ZNF160: variants seen among roughly 807,000 people sequenced by gnomAD.
ZNF160 encodes the protein zinc finger protein 160.
In ZNF160, 9 loss-of-function variants were observed where a neutral mutation model predicts 13.1. The ratio of observed to expected loss-of-function variants is 0.69; its 90% confidence interval spans 0.41 to 1.20. ZNF160 has a LOEUF of 1.20. Among genes scored for constraint, ZNF160 ranks in the 50% most tolerant of loss-of-function variants. The probability of loss-of-function intolerance (pLI) is 0.01; values close to 1 mark genes in which losing one functional copy is unlikely to be tolerated. For missense variants in ZNF160, 838 were observed against 988.0 expected (o/e 0.85, Z 2.04); for synonymous variants, 293 against 333.2 (o/e 0.88, Z 1.31).
In ZNF160 at chr19:53,067,811, G is replaced by A. The variant is rs905338131; in HGVS notation, c.*266C>T. The A allele has an allele frequency of 1.4e-5, 5 of 361,874 alleles. No homozygotes were observed. Among genetic ancestry groups the A allele is most frequent in the Non-Finnish European group, 2.5e-5 (5 of 201,688 alleles). The allele number at this position is 361,874 out of a possible 1,614,324, so 22.4% of individuals were successfully genotyped here. A position where few individuals can be genotyped will look rare whatever the true frequency, so the allele number is the denominator to read the frequency against. ...CTCCTAGGAATCCTCACTTACCATC[G>A]GTCACTGGGTAATGGCCTCAGGATG... On this transcript the variant is annotated 3_prime_UTR_variant, in exon 6 of 6. Coordinates refer to ENST00000683776, the MANE Select transcript of ZNF160 (RefSeq NM_001322131.2).
intron 2 of ZNF160, among the ~76,000 whole-genome samples, chr19:53,087,615 A>T (rs2084889262): frequency 6.6e-6 from 1 of 152,114 alleles, no homozygotes; most frequent in South Asian, 2.1e-4. Context: ...CAGTAGCGTG[A>T]TCTCGGCTCA....
intron 2 of ZNF160, among the ~76,000 whole-genome samples, chr19:53,086,807 A>G (rs2145825917): frequency 6.6e-6 from 1 of 152,322 alleles, no homozygotes; most frequent in South Asian, 2.1e-4. Flanking sequence ...AGGGGGCACA[A>G]GAGATGTTTC....
intron 1 of ZNF160, among the ~76,000 whole-genome samples, chr19:53,093,056 C>T (rs2085093316): frequency 6.6e-6 from 1 of 152,148 alleles, no homozygotes; most frequent in Admixed American, 6.5e-5. Context: ...TAGATGAAAG[C>T]CATGAATCCA....
chr19:53,089,629 T>A (rs960086596), intron 2 of ZNF160, among the ~76,000 whole-genome samples: 6 of 152,204 alleles, frequency 3.9e-5, no homozygotes, highest in African/African-American at 1.4e-4. Context: ...AATTCTCATC[T>A]TTATCTGTGT....
chr19:53,086,458 T>C lies in ZNF160; in HGVS notation c.-45-137A>G, dbSNP rs1165773237. On this transcript the variant is annotated intron_variant, in intron 2 of 5. Coordinates refer to ENST00000683776, the MANE Select transcript of ZNF160 (RefSeq NM_001322131.2). ...CTCACCCTGTGGAAAGATGGTCCTC[T>C]GCGCCCCACTGCACCAGGGGGAATA... is the stretch of plus-strand genomic sequence containing the variant. The C allele has an allele frequency of 4.9e-6, 3 of 608,696 alleles. No homozygotes were observed. The East Asian group carries it at 9.1e-5, about 18-fold the overall frequency. The allele number at this position is 608,696 out of a possible 1,614,324, so 37.7% of individuals were successfully genotyped here.
chr19:53,079,279 G>A (rs577218598), intron 3 of ZNF160, among the ~76,000 whole-genome samples: 188 of 152,052 alleles, frequency 1.2e-3, no homozygotes, highest in Non-Finnish European at 2.0e-3. Flanking sequence ...ATTCGGGCAC[G>A]GTGGCTCACG....
rs375151043 is a variant in ZNF160, at chr19:53,075,165, C to T, written c.34G>A (p.Asp12Asn). The change falls in exon 4 of 6, where the codon GAT (aspartate) becomes AAT (asparagine). Residue 12 changes from aspartate (D) to asparagine (N), a missense_variant. Asp to Asn is a conservative substitution (Grantham distance 23). Coordinates refer to ENST00000683776, the MANE Select transcript of ZNF160 (RefSeq NM_001322131.2). ...ALTQVRLTFR[D>N]VAIEFSQEEW... Reference sequence around the variant, plus strand: ...TCCTGAGAGAATTCTATGGCCACATCCCTAAATGTCAACCGTACCTAAAAT... The same window carrying T: ...TCCTGAGAGAATTCTATGGCCACATTCCTAAATGTCAACCGTACCTAAAAT... 6.2e-7 allele frequency: 1 copy of T among 1,614,124 alleles called. No homozygotes were observed. The highest frequency in any genetic ancestry group is 1.1e-5 in the South Asian group (1 of 91,082).
intron 1 of ZNF160, among the ~76,000 whole-genome samples, chr19:53,099,444 G>A (rs1400235951): frequency 6.6e-6 from 1 of 152,188 alleles, no homozygotes; most frequent in Non-Finnish European, 1.5e-5. Context: ...CTGGACGCAG[G>A]GCTGTGGAGC....
At chr19:53,075,590 T>G (rs1265507398) in intron 3 of ZNF160, 1 of 359,768 alleles carries the variant, frequency 2.8e-6, no homozygotes, top group Non-Finnish European at 5.5e-6. Flanking sequence ...AAGCAAGGCC[T>G]CCATAATGGG....
chr19:53,090,517 A>C (rs2084995298), intron 2 of ZNF160, among the ~76,000 whole-genome samples: 1 of 152,076 alleles, frequency 6.6e-6, no homozygotes, highest in African/African-American at 2.4e-5. Context: ...ATTTACAGGG[A>C]AGGGGATGGA....
intron 3 of ZNF160, among the ~76,000 whole-genome samples, chr19:53,082,155 C>T (rs149576095): frequency 6.6e-5 from 10 of 152,280 alleles, no homozygotes; most frequent in East Asian, 3.9e-4. Flanking sequence ...AACTATCTAT[C>T]GGGTACTATG....
chr19:53,093,265 C>T (rs12709933), intron 1 of ZNF160, among the ~76,000 whole-genome samples: 86,242 of 151,660 alleles, frequency 0.57, 24,886 homozygotes, highest in Non-Finnish European at 0.61. Flanking sequence ...CATGGTGAAA[C>T]GTTGTCTCTA....
At chr19:53,070,604 CG>C (rs1257034426) in intron 5 of ZNF160, among the ~76,000 whole-genome samples, 13 of 152,130 alleles carry the variant, frequency 8.5e-5, no homozygotes, top group African/African-American at 2.9e-4. Context: ...TTAGTAGAGA[CG>C]GGGTTTCACC....
At chr19:53,073,927 A>T (rs1291230883) in intron 5 of ZNF160, among the ~76,000 whole-genome samples, 1 of 152,128 alleles carries the variant, frequency 6.6e-6, no homozygotes. Flanking sequence ...CTGGGACTAC[A>T]GGCACACGCC....
rs2084313848 is a variant in ZNF160 at position 53,074,653 on chromosome 19, G to C, written c.143-385C>G. Reference sequence around the variant, plus strand: ...CCACTGCACTCCAGCCCGGGCGACAGAGCGAGACTCCGCCTCAAAAAAAAA... The same window carrying C: ...CCACTGCACTCCAGCCCGGGCGACACAGCGAGACTCCGCCTCAAAAAAAAA... On this transcript the variant is annotated intron_variant, in intron 4 of 5. Coordinates refer to ENST00000683776, the MANE Select transcript of ZNF160 (RefSeq NM_001322131.2). Among the ~76,000 whole-genome samples the C allele has an allele frequency of 5.0e-5, 7 of 140,470 alleles. No individual in the cohort carries two copies. The South Asian group carries it at 1.6e-3, about 33-fold the overall frequency. 92.2% of individuals were successfully genotyped at this position (140,470 alleles called of 152,430 possible). A position where few individuals can be genotyped will look rare whatever the true frequency, so the allele number is the denominator to read the frequency against.
rs1215537750 is a variant in ZNF160, at chr19:53,066,773, C to A, written c.*1304G>T. On this transcript the variant is annotated 3_prime_UTR_variant, in exon 6 of 6. Transcript: ENST00000683776. ...TAAACTCTTCACTCTGACAACTACT[C>A]TCTCTTCAGTTTTTCTTTTTCTTCT... The A allele has an allele frequency of 6.6e-6, 1 of 152,164 alleles. No individual in the cohort carries two copies. Among genetic ancestry groups the A allele is most frequent in the Admixed American group, 6.5e-5 (1 of 15,272 alleles). 9.4% of individuals were successfully genotyped at this position (152,164 alleles called of 1,614,324 possible). A position where few individuals can be genotyped will look rare whatever the true frequency, so the allele number is the denominator to read the frequency against.
At chr19:53,080,374 C>T (rs1417623267) in intron 3 of ZNF160, among the ~76,000 whole-genome samples, 2 of 152,212 alleles carry the variant, frequency 1.3e-5, no homozygotes, top group South Asian at 2.1e-4. Context: ...GCTGGGATTA[C>T]AGGCGTGAGC....
intron 3 of ZNF160, among the ~76,000 whole-genome samples, chr19:53,079,254 T>C (rs2084527018): frequency 6.6e-6 from 1 of 152,006 alleles, no homozygotes; most frequent in Admixed American, 6.6e-5. Flanking sequence ...TAGTTCATGA[T>C]AAAAATGCTC....
At chr19:53,087,376 A>T (rs2084877233) in intron 2 of ZNF160, among the ~76,000 whole-genome samples, 1 of 152,128 alleles carries the variant, frequency 6.6e-6, no homozygotes, top group African/African-American at 2.4e-5. Flanking sequence ...TAAATGCTTA[A>T]TTTTTTCTTC....
Sources: gnomAD v4.1 joint callset for allele counts (sites outside exome capture counted in the v4.1 genomes callset) on GRCh38, gnomAD v4.1.1 for gene constraint, MANE v1.5 for transcripts, NCBI Gene and HGNC (gene_info 2026-07-23, HGNC 2026-07-21) for gene names.